Variants in SLC18A1 observed in about 807,000 individuals in gnomAD.
The protein encoded by SLC18A1 is solute carrier family 18 member A1.
A neutral mutation model predicts 53.7 loss-of-function variants in SLC18A1; 69 were observed. The ratio of observed to expected loss-of-function variants is 1.28; its 90% confidence interval spans 1.06 to 1.57. SLC18A1 has a LOEUF of 1.57. SLC18A1 is among the 40% of genes most tolerant of loss of function. SLC18A1 has a pLI of 0.00. For missense variants in SLC18A1, 932 were observed against 668.1 expected (o/e 1.40, Z -4.35); for synonymous variants, 320 against 248.1 (o/e 1.29, Z -2.72).
chr8:20,157,760 A>C (rs187635056), intron 10 of SLC18A1, among the ~76,000 whole-genome samples: 3 of 152,162 alleles, frequency 2.0e-5, no homozygotes, highest in Non-Finnish European at 4.4e-5. Flanking sequence ...TGGCAACCTC[A>C]GTTTTTTATA....
In SLC18A1 at chr8:20,178,507, G is replaced by T. The variant is rs4922135; in HGVS notation, c.489-14C>A. The T allele has an allele frequency of 0.17, 247,102 of 1,413,752 alleles. 18,208 individuals carry two copies. Among genetic ancestry groups the T allele is most frequent in the Middle Eastern group, 0.2 (1,068 of 5,442 alleles). The allele number at this position is 1,413,752 out of a possible 1,614,324, so 87.6% of individuals were successfully genotyped here. On this transcript the variant is annotated splice_polypyrimidine_tract_variant and intron_variant, in intron 3 of 15. Coordinates refer to ENST00000276373, the MANE Select transcript of SLC18A1 (RefSeq NM_003053.4). ...TGATATCCAATCCTAAAAGGGAATT[G>T]AAAAAAAAAAAGATACAATTCCAAC...
At position 20,155,541 on chromosome 8, in the gene SLC18A1, C is replaced by G. The variant is rs949418050; in HGVS notation, c.1016-4797G>C. 2.0e-5 allele frequency among the ~76,000 whole-genome samples: 3 copies of G among 152,174 alleles called. No homozygotes were observed. The East Asian group carries it at 5.8e-4, about 29-fold the overall frequency. On this transcript the variant is annotated intron_variant, in intron 10 of 15. Coordinates refer to ENST00000276373, the MANE Select transcript of SLC18A1 (RefSeq NM_003053.4). ...TCCCAAACTCCGGGCATTGATCAGTCAAGATCATGATGCAACCAGAAGTCT... is the reference window on the plus strand; with the variant it reads ...TCCCAAACTCCGGGCATTGATCAGTGAAGATCATGATGCAACCAGAAGTCT...
intron 6 of SLC18A1, among the ~76,000 whole-genome samples, chr8:20,171,987 C>G (rs576464168): frequency 2.0e-5 from 3 of 152,180 alleles, no homozygotes; most frequent in African/African-American, 4.8e-5. Flanking sequence ...AAAAGTAGAG[C>G]CTTGCATATG....
At chr8:20,166,280 T>G (rs1311766755) in intron 8 of SLC18A1, among the ~76,000 whole-genome samples, 1 of 95,004 alleles carries the variant, frequency 1.1e-5, no homozygotes, top group Admixed American at 9.9e-5. Flanking sequence ...TGTGTGGGTG[T>G]GTGTGTGTCT....
intron 12 of SLC18A1, 95 bp downstream of exon 12, chr8:20,149,581 T>TCC: frequency 1.0e-6 from 1 of 1,001,120 alleles, no homozygotes; most frequent in Non-Finnish European, 1.5e-6. Flanking sequence ...TTTCTCTCTC[T>TCC]CTCTCTCCCT....
chr8:20,158,929 C>T (rs1467930967), intron 10 of SLC18A1, among the ~76,000 whole-genome samples: 1 of 152,146 alleles, frequency 6.6e-6, no homozygotes, highest in East Asian at 1.9e-4. Flanking sequence ...TAATACCACC[C>T]TCACTAGGCT....
intron 15 of SLC18A1, 49 bp downstream of exon 15, chr8:20,147,209 T>C (rs1256263793): frequency 1.3e-6 from 2 of 1,556,284 alleles, no homozygotes; most frequent in Non-Finnish European, 1.7e-6. Context: ...AGAGAGATGA[T>C]GGAAAGAAAC....
intron 10 of SLC18A1, among the ~76,000 whole-genome samples, chr8:20,153,448 C>T (rs910252975): frequency 2.6e-5 from 4 of 152,056 alleles, no homozygotes; most frequent in Non-Finnish European, 4.4e-5. Flanking sequence ...GAGGCAGAGG[C>T]GGGTGGATCA....
chr8:20,155,393 A>G (rs1486793673), intron 10 of SLC18A1, among the ~76,000 whole-genome samples: 2 of 152,144 alleles, frequency 1.3e-5, no homozygotes, highest in African/African-American at 4.8e-5. Context: ...GCTTTCTGGG[A>G]AAAGGCTTTC....
intron 4 of SLC18A1, among the ~76,000 whole-genome samples, chr8:20,177,771 G>A (rs149382760): frequency 2.6e-5 from 4 of 152,294 alleles, no homozygotes; most frequent in East Asian, 3.9e-4. Context: ...ACCTGCTAAC[G>A]CTAACCCTTT....
chr8:20,159,575 T>C (rs1433932037), intron 10 of SLC18A1, among the ~76,000 whole-genome samples: 1 of 145,186 alleles, frequency 6.9e-6, no homozygotes. Flanking sequence ...GCAATTCCCT[T>C]TGGGCCGCCT....
At chr8:20,181,475 G>C (rs2072427495) in intron 1 of SLC18A1, among the ~76,000 whole-genome samples, 1 of 152,046 alleles carries the variant, frequency 6.6e-6, no homozygotes, top group African/African-American at 2.4e-5. Flanking sequence ...TGCCAGGTAT[G>C]GTGGGATGTG....
At chr8:20,162,543 C>T (rs1340085752) in intron 10 of SLC18A1, among the ~76,000 whole-genome samples, 1 of 152,300 alleles carries the variant, frequency 6.6e-6, no homozygotes, top group East Asian at 1.9e-4. Context: ...AGCTTTGCTG[C>T]TTAGATATTT....
At position 20,148,538 on chromosome 8, in the gene SLC18A1, G is replaced by C. The variant is rs894439038; in HGVS notation, c.1147-468C>G. 3 of 1,168,000 alleles carry C rather than the reference G, an allele frequency of 2.6e-6. No individual in the cohort carries two copies. In the African/African-American group the frequency reaches 4.7e-5, roughly 18 times the overall value. 72.4% of individuals were successfully genotyped at this position (1,168,000 alleles called of 1,614,324 possible). A position where few individuals can be genotyped will look rare whatever the true frequency, so the allele number is the denominator to read the frequency against. ...GTAGCTGTTGGAAAAAGAAGATAGAGAAGAGGCCCCAACAACCAGTTAGCT... is the reference window on the plus strand; with the variant it reads ...GTAGCTGTTGGAAAAAGAAGATAGACAAGAGGCCCCAACAACCAGTTAGCT... On this transcript the variant is annotated intron_variant, in intron 12 of 15. Coordinates refer to ENST00000276373, the MANE Select transcript of SLC18A1 (RefSeq NM_003053.4).
chr8:20,179,582 G>A, intron 2 of SLC18A1, 98 bp from the exon 3 acceptor site: 2 of 1,442,944 alleles, frequency 1.4e-6, no homozygotes, highest in Admixed American at 2.1e-5. Flanking sequence ...TCTACTGAAA[G>A]TCAAGGAGGA....
Position 20,148,269 on chromosome 8 carries a change from T to A in SLC18A1, c.1147-199A>T, listed in dbSNP as rs1291473975. 10 of 614,142 alleles carry A rather than the reference T, an allele frequency of 1.6e-5. No individual in the cohort carries two copies. In the South Asian group the frequency reaches 1.9e-4, roughly 12 times the overall value. 38.0% of individuals were successfully genotyped at this position (614,142 alleles called of 1,614,324 possible). On this transcript the variant is annotated intron_variant, in intron 12 of 15. Transcript: ENST00000276373. ...GATATGAAAACTTGACCAGCGCTGTTGTGTTTATTTATTGCTCTATCCAGA... is the reference window on the plus strand; with the variant it reads ...GATATGAAAACTTGACCAGCGCTGTAGTGTTTATTTATTGCTCTATCCAGA...
rs2071500147 is a variant in SLC18A1 at position 20,149,698 on chromosome 8, A to G, written c.1124T>C (p.Val375Ala). The change falls in exon 12 of 16, where the codon GTA becomes GCA. Residue 375 changes from valine (V) to alanine (A), a missense_variant. Physicochemically the swap from Val to Ala is moderately conservative, Grantham distance 64. Coordinates refer to ENST00000276373, the MANE Select transcript of SLC18A1 (RefSeq NM_003053.4). Reference sequence around the variant, plus strand: ...TACACAGAGCAAGCTGGTACCTACTACCAGCATCCCGATTAGGGAACACAG... The same window carrying G: ...TACACAGAGCAAGCTGGTACCTACTGCCAGCATCCCGATTAGGGAACACAG... ...RWLCSLIGML[V>A]VGTSLLCVPL... 1 of 1,612,152 alleles carries G rather than the reference A, an allele frequency of 6.2e-7. No homozygotes were observed. Among genetic ancestry groups the G allele is most frequent in the African/African-American group, 1.3e-5 (1 of 74,278 alleles).
At chr8:20,177,733 G>T (rs138687440) in intron 4 of SLC18A1, among the ~76,000 whole-genome samples, 100 of 152,334 alleles carry the variant, frequency 6.6e-4, no homozygotes, top group Non-Finnish European at 1.0e-3. Flanking sequence ...ACCAAGGCTG[G>T]ATCCACAGGC....
Position 20,181,044 on chromosome 8 carries a change from T to C in SLC18A1, c.-80A>G. 1 of 1,479,734 alleles carries C rather than the reference T, an allele frequency of 6.8e-7. No individual in the cohort carries two copies. Among genetic ancestry groups the C allele is most frequent in the Non-Finnish European group, 9.1e-7 (1 of 1,102,882 alleles). 91.7% of individuals were successfully genotyped at this position (1,479,734 alleles called of 1,614,324 possible). A position where few individuals can be genotyped will look rare whatever the true frequency, so the allele number is the denominator to read the frequency against. ...TGACAGCTACAGGTCTCCTGCAGCC[T>C]TTATGGAAGAGGGGAGGGAGTCTGC... is the stretch of plus-strand genomic sequence containing the variant. On this transcript the variant is annotated 5_prime_UTR_variant, in exon 2 of 16. Coordinates refer to ENST00000276373, the MANE Select transcript of SLC18A1 (RefSeq NM_003053.4).
Sources: allele counts gnomAD v4.1 joint callset (sites outside exome capture counted in the v4.1 genomes callset), GRCh38; gene constraint gnomAD v4.1.1; transcripts MANE v1.5; gene names NCBI Gene and HGNC (gene_info 2026-07-23, HGNC 2026-07-21).